The following BMP2K variants were observed in gnomAD, a reference collection of about 807,000 sequenced individuals.
The protein encoded by BMP2K is BMP-2-inducible protein kinase.
In BMP2K, 74 loss-of-function variants were observed where a neutral mutation model predicts 116.0. The ratio of observed to expected loss-of-function variants is 0.64; its 90% CI spans 0.53 to 0.77. The LOEUF (loss-of-function observed/expected upper bound fraction) is 0.77, where lower values mean the gene tolerates loss of function less well. BMP2K is among the 30% of genes least tolerant of loss of function. BMP2K has a pLI of 0.00. For missense variants in BMP2K, 1,365 were observed against 1,403.6 expected, an observed-to-expected ratio of 0.97 and a Z score of 0.44; for synonymous variants, 486 against 502.5, an observed-to-expected ratio of 0.97 and a Z score of 0.44.
intron 6 of BMP2K, among the ~76,000 whole-genome samples, chr4:78,849,122 A>T (rs1731138296): frequency 6.6e-6 from 1 of 151,310 alleles, no homozygotes; most frequent in Non-Finnish European, 1.5e-5. Context: ...TTTGCTTGGA[A>T]GTTTCTGTTT....
intron 1 of BMP2K, among the ~76,000 whole-genome samples, chr4:78,789,017 G>A (rs577936235): frequency 3.3e-5 from 5 of 151,396 alleles, no homozygotes; most frequent in African/African-American, 9.7e-5. Context: ...TTTGGAAGAC[G>A]AAATATAGGA....
chr4:78,820,338 G>C (rs1048492405), intron 1 of BMP2K, among the ~76,000 whole-genome samples: 1 of 152,196 alleles, frequency 6.6e-6, no homozygotes, highest in African/African-American at 2.4e-5. Context: ...GTAACTTTTA[G>C]GGTTTTCTTG....
At chr4:78,899,553 G>T (rs1389861058) in intron 15 of BMP2K, among the ~76,000 whole-genome samples, 2 of 151,950 alleles carry the variant, frequency 1.3e-5, no homozygotes, top group African/African-American at 4.8e-5. Flanking sequence ...AGAAAATTCA[G>T]GTTAATTCTA....
intron 1 of BMP2K, among the ~76,000 whole-genome samples, chr4:78,793,443 C>T (rs1302915787): frequency 1.3e-4 from 19 of 150,818 alleles, no homozygotes; most frequent in Admixed American, 1.1e-3. Context: ...AAAAGTTATG[C>T]ACCGAGTTTA....
chr4:78,801,892 T>G (rs1259305607), intron 1 of BMP2K, among the ~76,000 whole-genome samples: 1 of 152,220 alleles, frequency 6.6e-6, no homozygotes, highest in Non-Finnish European at 1.5e-5. Context: ...GTTTAGAAAT[T>G]AGGCTTATTT....
rs762795615 is a variant in BMP2K, at chr4:78,911,250, G to C, written c.2703G>C (p.Ala901=). Residue 901 remains alanine, a synonymous_variant, in exon 16 of 16, where the codon GCG becomes GCC. Coordinates refer to ENST00000502613, the MANE Select transcript of BMP2K (RefSeq NM_198892.2). ...EQEEFDVFTK[A]PFSKKVNVQE... The stretch of plus-strand genomic sequence containing the variant: ...AGGAATTTGATGTATTCACAAAGGC[G>C]CCTTTTAGCAAGAAGGTGAATGTAC... 6.2e-7 allele frequency: 1 copy of C among 1,613,852 alleles called. No individual in the cohort carries two copies. The highest frequency in any genetic ancestry group is 1.7e-5 in the Admixed American group (1 of 60,002).
chr4:78,880,453 T>C (rs968526231), intron 14 of BMP2K, among the ~76,000 whole-genome samples: 20 of 152,248 alleles, frequency 1.3e-4, no homozygotes, highest in Non-Finnish European at 5.9e-5. Context: ...GCAAAAGATA[T>C]TAATTTTAAT....
chr4:78,823,464 GCT>G (rs1036242944), intron 1 of BMP2K, among the ~76,000 whole-genome samples: 7 of 147,832 alleles, frequency 4.7e-5, no homozygotes, highest in Admixed American at 1.4e-4. Flanking sequence ...GATTTTTAGT[GCT>G]CTCTCTCTCA....
At chr4:78,863,350 C>T (rs1004976965) in intron 9 of BMP2K, among the ~76,000 whole-genome samples, 2 of 152,052 alleles carry the variant, frequency 1.3e-5, no homozygotes, top group Non-Finnish European at 2.9e-5. Flanking sequence ...CTAGCAGTTT[C>T]ATTACCCACG....
rs533675804 is a variant in BMP2K, at chr4:78,790,762, C to A, written c.178+14041C>A. ...ATATAGAGCCTGGCATGGTGGCCCA[C>A]ACCTCAGGAGGCTGAGATGGAGTTT... On this transcript the variant is annotated intron_variant, in intron 1 of 15. Transcript: ENST00000502613. Among the ~76,000 whole-genome samples, 12 of 152,250 alleles carry A rather than the reference C, an allele frequency of 7.9e-5. No homozygotes were observed. In the South Asian group the frequency reaches 2.5e-3, roughly 32 times the overall value.
chr4:78,821,691 T>C (rs1560514979), intron 1 of BMP2K, among the ~76,000 whole-genome samples: 1 of 152,170 alleles, frequency 6.6e-6, no homozygotes, highest in African/African-American at 2.4e-5. Flanking sequence ...TATTTGCCAG[T>C]GAACTACTTA....
chr4:78,798,978 T>C (rs1728435124), intron 1 of BMP2K, among the ~76,000 whole-genome samples: 1 of 152,250 alleles, frequency 6.6e-6, no homozygotes, highest in Non-Finnish European at 1.5e-5. Context: ...ATAATAACAT[T>C]ATCAAATTAT....
chr4:78,807,607 A>G (rs1239853312), intron 1 of BMP2K, among the ~76,000 whole-genome samples: 1 of 150,334 alleles, frequency 6.7e-6, no homozygotes, highest in Non-Finnish European at 1.5e-5. Flanking sequence ...TTTACTTGTT[A>G]TAGGTCTGTT....
chr4:78,820,410 G>T (rs953184901), intron 1 of BMP2K, among the ~76,000 whole-genome samples: 1 of 152,098 alleles, frequency 6.6e-6, no homozygotes, highest in Admixed American at 6.6e-5. Context: ...TTTGTTCTAT[G>T]TGCTGGGTAT....
At chr4:78,869,612 A>T (rs984971773) in intron 10 of BMP2K, among the ~76,000 whole-genome samples, 2 of 152,216 alleles carry the variant, frequency 1.3e-5, no homozygotes, top group Admixed American at 6.5e-5. Context: ...TATGTATCAA[A>T]ACATCAATAT....
rs1016983628 is a variant in BMP2K at position 78,915,152 on chromosome 4, G to A, written c.*3119G>A. 6 of 152,006 alleles carry A rather than the reference G, an allele frequency of 3.9e-5. No individual in the cohort carries two copies. Among genetic ancestry groups the A allele is most frequent in the East Asian group, 1.9e-4 (1 of 5,204 alleles). 9.4% of individuals were successfully genotyped at this position (152,006 alleles called of 1,614,324 possible). ...CCCTTACCCCAATCCCTGTGTACGT[G>A]TTGGGTATAGTTACGACATTATCCG... On this transcript the variant is annotated 3_prime_UTR_variant, in exon 16 of 16. Transcript: ENST00000502613.
chr4:78,786,405 ATGTGTGTGTGTGTG>A lies in BMP2K; in HGVS notation c.178+9718_178+9731del, dbSNP rs34288286. 3.2e-4 allele frequency among the ~76,000 whole-genome samples: 43 copies of A among 134,384 alleles called. 1 individual carries two copies. The South Asian group carries it at 4.7e-3, about 15-fold the overall frequency. 88.2% of individuals were successfully genotyped at this position (134,384 alleles called of 152,430 possible). ...AATTCTGTTGCTTATAAGCCACCCA[ATGTGTGTGTGTGTG>A]TGTGTGTGTGTGTGTGTGTGTGTGT... On this transcript the variant is annotated intron_variant, in intron 1 of 15. Coordinates refer to ENST00000502613, the MANE Select transcript of BMP2K (RefSeq NM_198892.2).
At chr4:78,837,955 A>C (rs540657475) in intron 3 of BMP2K, among the ~76,000 whole-genome samples, 5 of 152,048 alleles carry the variant, frequency 3.3e-5, no homozygotes, top group Admixed American at 1.3e-4. Context: ...GTTAGTTTTA[A>C]ATTTTTTTCT....
At chr4:78,811,971 GT>G (rs763561458) in intron 1 of BMP2K, among the ~76,000 whole-genome samples, 3 of 148,846 alleles carry the variant, frequency 2.0e-5, no homozygotes, top group East Asian at 1.9e-4. Flanking sequence ...TTTTTAAAAA[GT>G]TTTTTTTTTG....
Sources: gnomAD v4.1 joint callset for allele counts (sites outside exome capture counted in the v4.1 genomes callset) on GRCh38, gnomAD v4.1.1 for gene constraint, MANE v1.5 for transcripts, NCBI Gene and HGNC (gene_info 2026-07-23, HGNC 2026-07-21) for gene names.